The following LYST variants were observed in gnomAD, a reference collection of about 807,000 sequenced individuals.
LYST encodes the protein lysosomal trafficking regulator.
A neutral mutation model predicts 413.6 loss-of-function variants in LYST; 192 were observed. The observed-to-expected ratio is 0.46, with a 90% CI of 0.41 to 0.52. The LOEUF is 0.52. LYST is among the 20% of genes least tolerant of loss of function. The pLI is 0.00. For missense variants in LYST, 3,815 were observed against 4,499.9 expected, an observed-to-expected ratio of 0.85 and a Z score of 4.35; for synonymous variants, 1,525 against 1,567.3, an observed-to-expected ratio of 0.97 and a Z score of 0.64.
intron 45 of LYST, among the ~76,000 whole-genome samples, chr1:235,698,605 C>T (rs1572023020): frequency 6.6e-6 from 1 of 152,246 alleles, no homozygotes; most frequent in East Asian, 1.9e-4. Context: ...GGCGCGGTGG[C>T]TCAAGCCTGT....
intron 1 of LYST, among the ~76,000 whole-genome samples, chr1:235,851,034 C>T (rs942241359): frequency 1.3e-5 from 2 of 152,038 alleles, no homozygotes; most frequent in Non-Finnish European, 2.9e-5. Flanking sequence ...GGTATCTACT[C>T]AGAGAAAAAG....
intron 3 of LYST, chr1:235,828,032 A>T: frequency 2.2e-6 from 1 of 450,774 alleles, no homozygotes; most frequent in Non-Finnish European, 2.9e-6. Flanking sequence ...GCTCAACATC[A>T]TTAGTTGTTA....
intron 40 of LYST, among the ~76,000 whole-genome samples, chr1:235,720,439 A>G (rs1400993821): frequency 6.6e-6 from 1 of 152,198 alleles, no homozygotes. Flanking sequence ...AAGTGACATA[A>G]CAAGATGTCT....
chr1:235,870,717 A>G (rs1680887746), upstream of LYST, among the ~76,000 whole-genome samples: 1 of 152,186 alleles, frequency 6.6e-6, no homozygotes, highest in African/African-American at 2.4e-5. Flanking sequence ...TATGGGCTCC[A>G]CAAGGGCCAC....
chr1:235,811,443 T>C (rs1223744673), intron 4 of LYST, among the ~76,000 whole-genome samples: 1 of 152,216 alleles, frequency 6.6e-6, no homozygotes, highest in East Asian at 1.9e-4. Flanking sequence ...GAGGTTTAAA[T>C]AATTCTTTAT....
intron 3 of LYST, 98 bp from the exon 4 acceptor site, chr1:235,813,159 T>C: frequency 1.4e-6 from 1 of 735,284 alleles, no homozygotes; most frequent in East Asian, 2.7e-5. Flanking sequence ...TCCTTTTTCT[T>C]GAAAGTCTGC....
intron 38 of LYST, among the ~76,000 whole-genome samples, chr1:235,725,292 G>T (rs1378118401): frequency 6.6e-6 from 1 of 151,942 alleles, no homozygotes; most frequent in Admixed American, 6.6e-5. Flanking sequence ...AAATTAGTCG[G>T]GAGTGATGGC....
chr1:235,870,820 T>C (rs962418511), upstream of LYST, among the ~76,000 whole-genome samples: 5 of 152,176 alleles, frequency 3.3e-5, no homozygotes, highest in Non-Finnish European at 7.4e-5. Context: ...ATAGTTAAAT[T>C]AAGAAAATTT....
At chr1:235,734,462 A>G in intron 32 of LYST, 21 bp downstream of exon 32, 2 of 1,599,480 alleles carry the variant, frequency 1.3e-6, no homozygotes, top group Non-Finnish European at 1.7e-6. Flanking sequence ...CTAAGAAAGT[A>G]CTATGGTTTC....
chr1:235,837,841 G>A (rs1329271338), intron 1 of LYST, among the ~76,000 whole-genome samples: 1 of 151,912 alleles, frequency 6.6e-6, no homozygotes, highest in Non-Finnish European at 1.5e-5. Flanking sequence ...GTGATGGCTT[G>A]AGGAGGACAT....
At chr1:235,695,738 T>A (rs1661053605) in intron 46 of LYST, among the ~76,000 whole-genome samples, 1 of 149,872 alleles carries the variant, frequency 6.7e-6, no homozygotes, top group African/African-American at 2.5e-5. Context: ...GTTCACGCCA[T>A]TCTCCTGCCT....
At chr1:235,862,874 A>C (rs1210488018) in intron 1 of LYST, among the ~76,000 whole-genome samples, 2 of 151,798 alleles carry the variant, frequency 1.3e-5, no homozygotes, top group Non-Finnish European at 2.9e-5. Context: ...TGAGACTACC[A>C]TAAAACCAAC....
chr1:235,737,914 C>CGAAGACAT, intron 31 of LYST: 11 of 1,160,798 alleles, frequency 9.5e-6, no homozygotes, highest in Admixed American at 8.7e-5. Context: ...CCGCTGCCGA[C>CGAAGACAT]GAGTCTGGAT....
chr1:235,839,965 C>T (rs1459436185), intron 1 of LYST: 1 of 152,160 alleles, frequency 6.6e-6, no homozygotes, highest in East Asian at 1.9e-4. Flanking sequence ...CTTGTAACCA[C>T]TTTCCCTTCA....
chr1:235,834,384 A>G (rs1676317663), intron 1 of LYST, among the ~76,000 whole-genome samples: 1 of 152,154 alleles, frequency 6.6e-6, no homozygotes, highest in Non-Finnish European at 1.5e-5. Flanking sequence ...TTTTAAAATC[A>G]GATTGATTTT....
intron 23 of LYST, among the ~76,000 whole-genome samples, chr1:235,757,928 G>A (rs1298862970): frequency 6.7e-6 from 1 of 150,300 alleles, no homozygotes; most frequent in African/African-American, 2.5e-5. Flanking sequence ...TTTATTAGGA[G>A]TCTAGGCATG....
intron 3 of LYST, chr1:235,827,730 A>G: frequency 1.0e-6 from 1 of 974,162 alleles, no homozygotes; most frequent in Non-Finnish European, 1.2e-6. Flanking sequence ...GGTGGAAAGA[A>G]GGGATTAAAA....
chr1:235,793,994 A>G (rs1246451392), intron 10 of LYST, among the ~76,000 whole-genome samples: 1 of 151,898 alleles, frequency 6.6e-6, no homozygotes. Flanking sequence ...CACCATGCCC[A>G]GGTAATTTTT....
chr1:235,716,610 G>A, intron 41 of LYST, 102 bp downstream of exon 41: 2 of 729,612 alleles, frequency 2.7e-6, no homozygotes, highest in South Asian at 1.6e-5. Flanking sequence ...GTACAAGAAG[G>A]TAAAAAATCC....
Sources: allele counts gnomAD v4.1 joint callset (sites outside exome capture counted in the v4.1 genomes callset), GRCh38; gene constraint gnomAD v4.1.1; transcripts MANE v1.5; gene names NCBI Gene and HGNC (gene_info 2026-07-23, HGNC 2026-07-21).